The following CAST variants were observed in gnomAD, a reference collection of about 807,000 sequenced individuals.
CAST encodes MIR583 host.
In CAST, 76 loss-of-function variants were observed where a neutral mutation model predicts 119.6. That is an observed-to-expected ratio of 0.64 (90% CI 0.53 to 0.77). The LOEUF (loss-of-function observed/expected upper bound fraction) is 0.77. Among genes scored for constraint, CAST ranks in the 30% least tolerant of loss-of-function variants. CAST has a pLI of 0.00. For missense variants in CAST, 953 were observed against 946.5 expected (o/e 1.01, Z -0.09); for synonymous variants, 319 against 331.6 (o/e 0.96, Z 0.41).
the CAST span, among the ~76,000 whole-genome samples, chr5:96,407,288 A>G: frequency 6.6e-6 from 1 of 152,236 alleles, no homozygotes; most frequent in South Asian, 2.1e-4. Context: ...CAAGGCCATA[A>G]AACAAAACTA....
chr5:96,754,859 C>T (rs1765940175), intron 22 of CAST, 118 bp downstream of exon 22: 2 of 656,140 alleles, frequency 3.0e-6, no homozygotes, highest in South Asian at 1.8e-5. Flanking sequence ...ATATTTCAAA[C>T]ACCAAATAGT....
chr5:96,504,317 C>T, the CAST span, among the ~76,000 whole-genome samples: 1 of 152,156 alleles, frequency 6.6e-6, no homozygotes. Flanking sequence ...TTCCCATACA[C>T]GATGGCAGTT....
At chr5:96,700,498 A>G (rs529080358) in intron 3 of CAST, among the ~76,000 whole-genome samples, 1 of 152,302 alleles carries the variant, frequency 6.6e-6, no homozygotes, top group Non-Finnish European at 1.5e-5. Context: ...TATTAAAATG[A>G]AGATTCTGGT....
the CAST span, among the ~76,000 whole-genome samples, chr5:96,508,309 A>T: frequency 6.6e-6 from 1 of 152,234 alleles, no homozygotes; most frequent in African/African-American, 2.4e-5. Context: ...TGTTTCCCTG[A>T]TTCTCAGTTC....
At chr5:96,298,100 G>A in the CAST span, among the ~76,000 whole-genome samples, 94 of 152,280 alleles carry the variant, frequency 6.2e-4, no homozygotes, top group Non-Finnish European at 1.2e-3. Context: ...AAACATGTGC[G>A]TGTAGCCTGA....
chr5:96,161,702 T>A, the CAST span, among the ~76,000 whole-genome samples: 1 of 152,308 alleles, frequency 6.6e-6, no homozygotes, highest in East Asian at 1.9e-4. Context: ...TAGATCAACT[T>A]GTGGAGTGTT....
the CAST span, among the ~76,000 whole-genome samples, chr5:96,354,312 A>G: frequency 6.6e-6 from 1 of 152,218 alleles, no homozygotes; most frequent in African/African-American, 2.4e-5. Context: ...GTACACATAT[A>G]CATAAAGAGT....
intron 6 of CAST, 113 bp from the exon 7 acceptor site, chr5:96,729,040 G>A (rs1759917237): frequency 1.5e-6 from 1 of 684,900 alleles, no homozygotes; most frequent in Non-Finnish European, 2.6e-6. Flanking sequence ...GCCTAAGCGG[G>A]CTTTTCCTGA....
At position 96,727,471 on chromosome 5, in the gene CAST, CT is replaced by C. The variant is rs1759482505; in HGVS notation, c.337-11del. 7.6e-6 allele frequency: 11 copies of C among 1,451,608 alleles called. No homozygotes were observed. Among genetic ancestry groups the C allele is most frequent in the East Asian group, 2.4e-5 (1 of 41,606 alleles). The allele number at this position is 1,451,608 out of a possible 1,614,324, so 89.9% of individuals were successfully genotyped here. On this transcript the variant is annotated splice_polypyrimidine_tract_variant and intron_variant, in intron 5 of 31. Coordinates refer to ENST00000675179, the MANE Select transcript of CAST (RefSeq NM_001750.7). ...CTTTTCTTCCTTCCTTTTTTTCTTTCTTTTTTTCTGAACTTAGGCTGTAAAA... is the reference window on the plus strand; with the variant it reads ...CTTTTCTTCCTTCCTTTTTTTCTTTCTTTTTTCTGAACTTAGGCTGTAAAA...
chr5:96,671,515 G>A (rs910833916), intron 1 of CAST, among the ~76,000 whole-genome samples: 3 of 152,074 alleles, frequency 2.0e-5, no homozygotes, highest in African/African-American at 7.2e-5. Flanking sequence ...AATCCTGAGT[G>A]GTATCACCAT....
the CAST span, among the ~76,000 whole-genome samples, chr5:96,435,905 T>C: frequency 6.6e-6 from 1 of 152,222 alleles, no homozygotes; most frequent in African/African-American, 2.4e-5. Flanking sequence ...ATTTTGTTAC[T>C]ACGAAATAAA....
chr5:96,238,242 G>A, the CAST span, among the ~76,000 whole-genome samples: 2 of 151,030 alleles, frequency 1.3e-5, no homozygotes, highest in Non-Finnish European at 3.0e-5. Context: ...CTATATTTAG[G>A]CAATTTTATA....
At chr5:96,687,719 A>G (rs531046755) in intron 2 of CAST, among the ~76,000 whole-genome samples, 1 of 152,184 alleles carries the variant, frequency 6.6e-6, no homozygotes, top group Non-Finnish European at 1.5e-5. Flanking sequence ...GAAATCTACA[A>G]TTTTGAAGAA....
the CAST span, among the ~76,000 whole-genome samples, chr5:96,295,241 T>A: frequency 1.3e-5 from 2 of 152,244 alleles, no homozygotes; most frequent in Non-Finnish European, 2.9e-5. Flanking sequence ...CCCATGGAGA[T>A]GTAGTAAAAA....
chr5:96,399,845 C>G, the CAST span: 1 of 829,780 alleles, frequency 1.2e-6, no homozygotes, highest in Non-Finnish European at 2.0e-6. Context: ...AATTCCACCT[C>G]CATCTACTTC....
At chr5:95,989,723 T>C in the CAST span, among the ~76,000 whole-genome samples, 1 of 152,160 alleles carries the variant, frequency 6.6e-6, no homozygotes, top group Non-Finnish European at 1.5e-5. Flanking sequence ...AAAAATTGTT[T>C]GGGATATTTG....
At chr5:96,103,548 G>A in the CAST span, among the ~76,000 whole-genome samples, 2 of 149,942 alleles carry the variant, frequency 1.3e-5, no homozygotes, top group Non-Finnish European at 3.0e-5. Context: ...TTTTATGGCT[G>A]CATAGTATTC....
At chr5:96,364,371 C>G in the CAST span, among the ~76,000 whole-genome samples, 9 of 152,152 alleles carry the variant, frequency 5.9e-5, no homozygotes, top group African/African-American at 2.2e-4. Context: ...AGGATTCCCT[C>G]TTTTTGTATT....
intron 1 of CAST, among the ~76,000 whole-genome samples, chr5:96,620,430 T>A (rs1446708872): frequency 2.6e-5 from 4 of 152,124 alleles, no homozygotes; most frequent in African/African-American, 9.7e-5. Flanking sequence ...TTCATGATCT[T>A]TCTTGTGGTG....
Sources: allele counts gnomAD v4.1 joint callset (sites outside exome capture counted in the v4.1 genomes callset), GRCh38; gene constraint gnomAD v4.1.1; transcripts MANE v1.5; gene names NCBI Gene and HGNC (gene_info 2026-07-23, HGNC 2026-07-21).